MYBL1: variants seen among roughly 807,000 people sequenced by gnomAD.
MYBL1 encodes MYB proto-oncogene like 1, also known as myb-related protein A.
A neutral mutation model predicts 96.3 loss-of-function variants in MYBL1; 17 were observed. The observed-to-expected ratio is 0.18, with a 90% confidence interval of 0.12 to 0.26. The LOEUF is 0.26. Among genes scored for constraint, MYBL1 ranks in the 10% least tolerant of loss-of-function variants. MYBL1 has a pLI of 1.00. For synonymous variants in MYBL1, 282 were observed against 292.7 expected (o/e 0.96, Z 0.37); for missense variants, 701 against 882.9 (o/e 0.79, Z 2.61).
rs778006993 is a variant in MYBL1 at position 66,573,403 on chromosome 8, T to C, written c.1574A>G (p.His525Arg). The change falls in exon 11 of 16, where the codon CAT becomes CGT. Residue 525 changes from histidine to arginine, a missense_variant. Around this residue, in one of 5 missense-constraint regions of MYBL1, gnomAD observed 396 missense variants for 407.4 expected, o/e 0.97. Coordinates refer to ENST00000522677, the MANE Select transcript of MYBL1 (RefSeq NM_001080416.4). Reference protein sequence around the residue: ...GQKALITTPLHKETTPKDQKE... With the variant: ...GQKALITTPLRKETTPKDQKE... ...TTGATCTTTGGGAGTTGTTTCCTTA[T>C]GAAGAGGAGTTGTAATGAGAGCTTT... 1.9e-6 allele frequency: 3 copies of C among 1,612,312 alleles called. No individual in the cohort carries two copies. Among genetic ancestry groups the C allele is most frequent in the Non-Finnish European group, 1.7e-6 (2 of 1,179,304 alleles).
At chr8:66,600,946 A>T (rs1291313759) in intron 3 of MYBL1, among the ~76,000 whole-genome samples, 1 of 151,920 alleles carries the variant, frequency 6.6e-6, no homozygotes. Context: ...CGAGGCAGTT[A>T]GATCACCTGA....
At position 66,597,676 on chromosome 8, in the gene MYBL1, A is replaced by C. The variant is rs1809903902; in HGVS notation, c.292-126T>G. The C allele has an allele frequency of 6.2e-6, 4 of 647,528 alleles. No individual in the cohort carries two copies. The South Asian group carries it at 8.8e-5, about 14-fold the overall frequency. 40.1% of individuals were successfully genotyped at this position (647,528 alleles called of 1,614,324 possible). A position where few individuals can be genotyped will look rare whatever the true frequency, so the allele number is the denominator to read the frequency against. ...CACAACTACAATTTGTTAAAAAAAA[A>C]TTACCAATAAATACCCCTTTAGCAT... On this transcript the variant is annotated intron_variant, in intron 4 of 15. Transcript: ENST00000522677.
At chr8:66,599,902 C>A (rs188232333) in intron 3 of MYBL1, among the ~76,000 whole-genome samples, 3 of 152,142 alleles carry the variant, frequency 2.0e-5, no homozygotes, top group Admixed American at 2.0e-4. Context: ...AAAGGCATTG[C>A]TATACTACTG....
intron 3 of MYBL1, among the ~76,000 whole-genome samples, chr8:66,601,109 G>A (rs186748091): frequency 1.3e-4 from 19 of 149,656 alleles, no homozygotes; most frequent in Admixed American, 1.3e-4. Flanking sequence ...TCTGGGAGGC[G>A]GAGGTTGCAG....
At position 66,595,766 on chromosome 8, in the gene MYBL1, G is replaced by A. The variant is rs1213396778; in HGVS notation, c.513-9C>T. ...TGATAGAATTATCAGTCCTAAGAAA[G>A]GAAAGGTATGATTTAAAAAGAAAAA... On this transcript the variant is annotated splice_polypyrimidine_tract_variant and intron_variant, in intron 5 of 15. Transcript: ENST00000522677. 6.7e-7 allele frequency: 1 copy of A among 1,492,152 alleles called. No individual in the cohort carries two copies. The highest frequency in any genetic ancestry group is 9.0e-7 in the Non-Finnish European group (1 of 1,113,454). The allele number at this position is 1,492,152 out of a possible 1,614,324, so 92.4% of individuals were successfully genotyped here. A position where few individuals can be genotyped will look rare whatever the true frequency, so the allele number is the denominator to read the frequency against.
chr8:66,571,639 T>A (rs1212829830), intron 12 of MYBL1, among the ~76,000 whole-genome samples: 1 of 152,156 alleles, frequency 6.6e-6, no homozygotes, highest in Non-Finnish European at 1.5e-5. Context: ...CCCAGCACTT[T>A]GGGAGGCCGA....
rs1808375981 is a variant in MYBL1, at chr8:66,562,718, T to C, written c.*1979A>G. Reference sequence around the variant, plus strand: ...ACAAAAAACCATTATGTGCTATTAGTTCAAGGTAACTGAAATGATCCAGTA... The same window carrying C: ...ACAAAAAACCATTATGTGCTATTAGCTCAAGGTAACTGAAATGATCCAGTA... On this transcript the variant is annotated 3_prime_UTR_variant, in exon 16 of 16. Coordinates refer to ENST00000522677, the MANE Select transcript of MYBL1 (RefSeq NM_001080416.4). 6.6e-6 allele frequency: 1 copy of C among 152,476 alleles called. No homozygotes were observed. The highest frequency in any genetic ancestry group is 6.6e-5 in the Admixed American group (1 of 15,250). 9.4% of individuals were successfully genotyped at this position (152,476 alleles called of 1,614,324 possible).
rs545940030 is a variant in MYBL1 at position 66,606,901 on chromosome 8, C to T, written c.21-4378G>A. Among the ~76,000 whole-genome samples the T allele has an allele frequency of 1.6e-4, 24 of 152,206 alleles. 1 individual carries two copies. Among genetic ancestry groups the T allele is most frequent in the African/African-American group, 5.8e-4 (24 of 41,536 alleles). On this transcript the variant is annotated intron_variant, in intron 1 of 15. Coordinates refer to ENST00000522677, the MANE Select transcript of MYBL1 (RefSeq NM_001080416.4). ...CACCTCCCTGGTTCAAGCAATTCTCCTTCCTCAGCCTCCCAGGTAGAAGGA... is the reference window on the plus strand; with the variant it reads ...CACCTCCCTGGTTCAAGCAATTCTCTTTCCTCAGCCTCCCAGGTAGAAGGA...
chr8:66,612,912 T>G lies in MYBL1; in HGVS notation c.-74A>C. 17 of 1,310,616 alleles carry G rather than the reference T, an allele frequency of 1.3e-5. No homozygotes were observed. The highest frequency in any genetic ancestry group is 1.7e-5 in the Non-Finnish European group (17 of 1,014,750). 81.2% of individuals were successfully genotyped at this position (1,310,616 alleles called of 1,614,324 possible). A position where few individuals can be genotyped will look rare whatever the true frequency, so the allele number is the denominator to read the frequency against. On this transcript the variant is annotated 5_prime_UTR_variant, in exon 1 of 16. Coordinates refer to ENST00000522677, the MANE Select transcript of MYBL1 (RefSeq NM_001080416.4). ...TCCTCCAGCCTCCGGCGAATGCTCC[T>G]TCTCCCCGATCCTCTAGCCGCTTCC...
rs151160636 is a variant in MYBL1 at position 66,602,294 on chromosome 8, G to A, written c.126+124C>T. 978 of 469,152 alleles carry A rather than the reference G, an allele frequency of 2.1e-3. 30 individuals carry two copies. The East Asian group carries it at 0.034, about 16-fold the overall frequency. 29.1% of individuals were successfully genotyped at this position (469,152 alleles called of 1,614,324 possible). A position where few individuals can be genotyped will look rare whatever the true frequency, so the allele number is the denominator to read the frequency against. ...TTGAACTCCTAACCTCAAGTGATCC[G>A]CCCATCTCGGCCTCCCAAAGGGCTG... On this transcript the variant is annotated intron_variant, in intron 2 of 15. Coordinates refer to ENST00000522677, the MANE Select transcript of MYBL1 (RefSeq NM_001080416.4).
intron 12 of MYBL1, among the ~76,000 whole-genome samples, chr8:66,571,482 T>G (rs977955124): frequency 5.3e-5 from 8 of 152,346 alleles, no homozygotes; most frequent in African/African-American, 1.9e-4. Flanking sequence ...ATTAGTTTCC[T>G]AAATATTATC....
At chr8:66,588,376 C>T (rs1176539695) in intron 8 of MYBL1, among the ~76,000 whole-genome samples, 1 of 151,186 alleles carries the variant, frequency 6.6e-6, no homozygotes, top group Non-Finnish European at 1.5e-5. Flanking sequence ...ACCTCCCAGG[C>T]TCAAGTGATC....
intron 1 of MYBL1, among the ~76,000 whole-genome samples, chr8:66,604,701 G>A (rs1247705462): frequency 1.3e-5 from 2 of 152,094 alleles, no homozygotes; most frequent in African/African-American, 4.8e-5. Context: ...ATCAACCAAG[G>A]TAATGATATT....
At chr8:66,607,699 C>CAAA (rs542129633) in intron 1 of MYBL1, among the ~76,000 whole-genome samples, 1 of 117,826 alleles carries the variant, frequency 8.5e-6, no homozygotes, top group Non-Finnish European at 1.9e-5. Context: ...TTTCAAAACC[C>CAAA]AAAAAAAAAA....
At chr8:66,565,429 G>A (rs1175383139) in intron 15 of MYBL1, 3 of 152,216 alleles carry the variant, frequency 2.0e-5, no homozygotes, top group Non-Finnish European at 4.4e-5. Context: ...GCTGAAAACA[G>A]ATGTAAGGTG....
At chr8:66,574,834 C>G (rs1808870404) in intron 10 of MYBL1, among the ~76,000 whole-genome samples, 1 of 152,162 alleles carries the variant, frequency 6.6e-6, no homozygotes, top group African/African-American at 2.4e-5. Context: ...GCGGGCAGAT[C>G]ACCTAAGGTT....
intron 8 of MYBL1, among the ~76,000 whole-genome samples, chr8:66,584,242 A>G (rs945878311): frequency 1.3e-5 from 2 of 152,242 alleles, no homozygotes; most frequent in South Asian, 2.1e-4. Flanking sequence ...AAGGCCATAT[A>G]TGACAAAACC....
chr8:66,594,147 A>G (rs973287291), intron 6 of MYBL1, among the ~76,000 whole-genome samples: 1 of 152,088 alleles, frequency 6.6e-6, no homozygotes, highest in Non-Finnish European at 1.5e-5. Context: ...AAAGAAAAAA[A>G]AAAAGCCTTA....
At chr8:66,599,526 C>G (rs533165654) in intron 3 of MYBL1, among the ~76,000 whole-genome samples, 3 of 152,090 alleles carry the variant, frequency 2.0e-5, no homozygotes, top group Non-Finnish European at 4.4e-5. Context: ...TAGTGCCAGG[C>G]GCAGTGGCTC....
Sources: gnomAD v4.1 joint callset for allele counts (sites outside exome capture counted in the v4.1 genomes callset) on GRCh38, gnomAD v4.1.1 for gene constraint, gnomAD v4.1.1 regional missense constraint, MANE v1.5 for transcripts, NCBI Gene and HGNC (gene_info 2026-07-23, HGNC 2026-07-21) for gene names.